Variants in PCDH9 observed in about 807,000 individuals in gnomAD.
PCDH9 encodes the protein protocadherin-9.
A neutral mutation model predicts 70.6 loss-of-function variants in PCDH9; 24 were observed. The ratio of observed to expected loss-of-function variants is 0.34; its 90% CI spans 0.25 to 0.48. PCDH9 has a LOEUF of 0.48. PCDH9 is among the 20% of genes least tolerant of loss of function. The probability of loss-of-function intolerance (pLI) is 0.99; values close to 1 mark genes in which losing one functional copy is unlikely to be tolerated. For missense variants in PCDH9, 1,281 were observed against 1,503.6 expected (o/e 0.85, Z 2.45); for synonymous variants, 562 against 558.5 (o/e 1.01, Z -0.09).
chr13:67,131,984 C>A (rs2087122234), intron 2 of PCDH9, among the ~76,000 whole-genome samples: 1 of 152,122 alleles, frequency 6.6e-6, no homozygotes, highest in Admixed American at 6.6e-5. Flanking sequence ...CTGTGCGAAC[C>A]TTCACCAAGC....
chr13:66,355,543 T>C (rs1372158621), intron 4 of PCDH9, among the ~76,000 whole-genome samples: 4 of 152,166 alleles, frequency 2.6e-5, no homozygotes, highest in Non-Finnish European at 4.4e-5. Context: ...TCTAGTGTTC[T>C]TAAGCACTAG....
intron 4 of PCDH9, among the ~76,000 whole-genome samples, chr13:66,406,494 C>T (rs940585007): frequency 2.6e-5 from 4 of 152,110 alleles, no homozygotes; most frequent in African/African-American, 9.7e-5. Context: ...GACTTAGGCT[C>T]CTTACTTTCA....
At chr13:66,418,016 T>A (rs1957491739) in intron 4 of PCDH9, among the ~76,000 whole-genome samples, 1 of 152,194 alleles carries the variant, frequency 6.6e-6, no homozygotes. Flanking sequence ...TTTAATTAGA[T>A]CCCATTTGTC....
At chr13:66,580,396 A>C (rs2076873986) in intron 4 of PCDH9, among the ~76,000 whole-genome samples, 2 of 151,972 alleles carry the variant, frequency 1.3e-5, no homozygotes, top group Non-Finnish European at 2.9e-5. Context: ...CACCTGGGAA[A>C]TTGCCAATAA....
intron 2 of PCDH9, among the ~76,000 whole-genome samples, chr13:67,160,330 G>A (rs372613995): frequency 4.4e-4 from 67 of 152,304 alleles, no homozygotes; most frequent in African/African-American, 1.5e-3. Flanking sequence ...CAGATCACAA[G>A]GTCAGGAGAT....
At chr13:67,175,324 A>T (rs1421490340) in intron 2 of PCDH9, among the ~76,000 whole-genome samples, 1 of 152,174 alleles carries the variant, frequency 6.6e-6, no homozygotes, top group African/African-American at 2.4e-5. Context: ...TCTACCCATC[A>T]CAATCTAAAA....
At chr13:66,660,496 C>T (rs1455329711) in intron 3 of PCDH9, among the ~76,000 whole-genome samples, 1 of 152,072 alleles carries the variant, frequency 6.6e-6, no homozygotes, top group Non-Finnish European at 1.5e-5. Context: ...TTTCAAATGC[C>T]CAATACAATG....
chr13:67,063,027 A>G (rs2085569460), intron 2 of PCDH9, among the ~76,000 whole-genome samples: 1 of 152,192 alleles, frequency 6.6e-6, no homozygotes, highest in Admixed American at 6.6e-5. Context: ...AGGATAGTCT[A>G]GATTATGCTG....
intron 2 of PCDH9, among the ~76,000 whole-genome samples, chr13:67,018,077 C>T (rs1191774889): frequency 6.6e-6 from 1 of 152,146 alleles, no homozygotes. Context: ...CAGTAACATG[C>T]AATATATTTT....
chr13:66,607,030 TC>T (rs1265370774), intron 4 of PCDH9, among the ~76,000 whole-genome samples: 1 of 152,026 alleles, frequency 6.6e-6, no homozygotes, highest in Non-Finnish European at 1.5e-5. Context: ...TTCAAAATAG[TC>T]CAAAATTGAC....
At chr13:66,955,451 A>G (rs1482827984) in intron 2 of PCDH9, among the ~76,000 whole-genome samples, 1 of 152,214 alleles carries the variant, frequency 6.6e-6, no homozygotes, top group African/African-American at 2.4e-5. Flanking sequence ...AAGCACATAT[A>G]ATGCTTAAAT....
At chr13:67,038,435 A>G (rs2085050499) in intron 2 of PCDH9, among the ~76,000 whole-genome samples, 1 of 152,214 alleles carries the variant, frequency 6.6e-6, no homozygotes, top group Admixed American at 6.5e-5. Flanking sequence ...ACAGTCAAAT[A>G]TAAATATGTA....
At chr13:66,771,586 A>G (rs8001214) in intron 3 of PCDH9, among the ~76,000 whole-genome samples, 2,318 of 152,284 alleles carry the variant, frequency 0.015, 67 homozygotes, top group African/African-American at 0.052. Flanking sequence ...AATGAACATC[A>G]AAGCCTAAAA....
At chr13:67,150,626 A>T (rs1382978229) in intron 2 of PCDH9, among the ~76,000 whole-genome samples, 4 of 152,248 alleles carry the variant, frequency 2.6e-5, no homozygotes, top group African/African-American at 9.6e-5. Context: ...CAATACATCC[A>T]AAACATGTGC....
intron 4 of PCDH9, among the ~76,000 whole-genome samples, chr13:66,400,999 A>G (rs1206182970): frequency 6.6e-6 from 1 of 152,198 alleles, no homozygotes; most frequent in Non-Finnish European, 1.5e-5. Flanking sequence ...TAGAAATGAC[A>G]CGACTTTCTG....
At chr13:67,222,104 T>C (rs1202788399) in intron 2 of PCDH9, 2 of 152,164 alleles carry the variant, frequency 1.3e-5, no homozygotes, top group African/African-American at 2.4e-5. Context: ...ATCAGTATCA[T>C]ATTTTAAAAC....
chr13:67,066,145 T>G (rs987522846), intron 2 of PCDH9, among the ~76,000 whole-genome samples: 2 of 152,178 alleles, frequency 1.3e-5, no homozygotes, highest in African/African-American at 2.4e-5. Flanking sequence ...TCATAGTATT[T>G]TTTAAATGGA....
intron 4 of PCDH9, among the ~76,000 whole-genome samples, chr13:66,499,688 A>G (rs1959166735): frequency 6.6e-6 from 1 of 152,218 alleles, no homozygotes; most frequent in Admixed American, 6.5e-5. Flanking sequence ...TAGTGACAAA[A>G]GTTAATCAAC....
At chr13:66,892,409 A>G (rs1398350981) in intron 3 of PCDH9, among the ~76,000 whole-genome samples, 3 of 151,842 alleles carry the variant, frequency 2.0e-5, no homozygotes, top group Non-Finnish European at 4.4e-5. Context: ...TTTATACATT[A>G]CCTAACAATG....
Sources: allele counts gnomAD v4.1 joint callset (sites outside exome capture counted in the v4.1 genomes callset), GRCh38; gene constraint gnomAD v4.1.1; transcripts MANE v1.5; gene names NCBI Gene and HGNC (gene_info 2026-07-23, HGNC 2026-07-21).